TSPAN9: variants seen among roughly 807,000 people sequenced by gnomAD.
TSPAN9 encodes the protein tetraspanin-9.
A neutral mutation model predicts 31.0 loss-of-function variants in TSPAN9; 16 were observed. The ratio of observed to expected loss-of-function variants is 0.52; its 90% CI spans 0.35 to 0.78. The LOEUF (loss-of-function observed/expected upper bound fraction) is 0.78, where lower values mean the gene tolerates loss of function less well. TSPAN9 is among the 30% of genes least tolerant of loss of function. TSPAN9 has a pLI of 0.01. For synonymous variants in TSPAN9, 145 were observed against 121.6 expected, an observed-to-expected ratio of 1.19 and a Z score of -1.27; for missense variants, 272 against 312.5, an observed-to-expected ratio of 0.87 and a Z score of 0.98.
chr12:3,177,048 G>A (rs1000874029), intron 2 of TSPAN9, among the ~76,000 whole-genome samples: 1 of 152,184 alleles, frequency 6.6e-6, no homozygotes, highest in Admixed American at 6.5e-5. Flanking sequence ...GAGGTGGTGG[G>A]ACCCCCAGGA....
At chr12:3,233,493 C>G (rs768559450) in intron 3 of TSPAN9, among the ~76,000 whole-genome samples, 7 of 152,156 alleles carry the variant, frequency 4.6e-5, no homozygotes, top group Non-Finnish European at 8.8e-5. Context: ...ACGATGCATT[C>G]TATAGTTGCA....
intron 2 of TSPAN9, among the ~76,000 whole-genome samples, chr12:3,118,481 G>A (rs1212912387): frequency 1.3e-5 from 2 of 151,702 alleles, no homozygotes; most frequent in Admixed American, 6.6e-5. Flanking sequence ...AGCTGGTCTC[G>A]AACCCCTGAC....
At chr12:3,093,134 A>G (rs1435772208) in intron 2 of TSPAN9, among the ~76,000 whole-genome samples, 2 of 152,240 alleles carry the variant, frequency 1.3e-5, no homozygotes, top group Admixed American at 6.5e-5. Context: ...GGATGCTGAC[A>G]CGAATTGTGG....
intron 3 of TSPAN9, among the ~76,000 whole-genome samples, chr12:3,208,276 T>C (rs558992377): frequency 6.6e-5 from 10 of 152,218 alleles, no homozygotes; most frequent in African/African-American, 2.4e-4. Flanking sequence ...TCTGAATGTC[T>C]TCGGGCCTTC....
At chr12:3,246,990 G>A (rs1201574443) in intron 3 of TSPAN9, among the ~76,000 whole-genome samples, 1 of 152,190 alleles carries the variant, frequency 6.6e-6, no homozygotes, top group Non-Finnish European at 1.5e-5. Flanking sequence ...GGGAGGATGG[G>A]TGGTCTGAAA....
intron 3 of TSPAN9, among the ~76,000 whole-genome samples, chr12:3,276,545 G>A (rs907612872): frequency 6.6e-6 from 1 of 152,176 alleles, no homozygotes; most frequent in African/African-American, 2.4e-5. Context: ...AGATAGTTAT[G>A]TTGCTCCCTC....
intron 3 of TSPAN9, among the ~76,000 whole-genome samples, chr12:3,248,856 G>T (rs1446222897): frequency 2.6e-5 from 4 of 152,092 alleles, no homozygotes; most frequent in Admixed American, 6.5e-5. Flanking sequence ...TGCTTCAAAA[G>T]TCCTCCTTGG....
intron 2 of TSPAN9, among the ~76,000 whole-genome samples, chr12:3,105,340 T>C (rs61040517): frequency 0.038 from 5,834 of 151,840 alleles, 385 homozygotes; most frequent in African/African-American, 0.13. Flanking sequence ...CCTTTCCTTC[T>C]AAGTAGTTCA....
intron 2 of TSPAN9, among the ~76,000 whole-genome samples, chr12:3,128,088 G>A (rs2098328154): frequency 6.6e-6 from 1 of 152,238 alleles, no homozygotes. Flanking sequence ...ACTGTCGTAT[G>A]TGTGGTCCGT....
intron 3 of TSPAN9, among the ~76,000 whole-genome samples, chr12:3,257,785 G>A (rs945653083): frequency 1.3e-5 from 2 of 151,894 alleles, no homozygotes; most frequent in Non-Finnish European, 2.9e-5. Flanking sequence ...GTAGGGGGGC[G>A]GCGGGGAGGC....
chr12:3,118,256 G>GTTTTTTTTTTT lies in TSPAN9; in HGVS notation c.-18+34551_-18+34561dup, dbSNP rs72307230. 2.4e-3 allele frequency among the ~76,000 whole-genome samples: 76 copies of GTTTTTTTTTTT among 31,564 alleles called. 15 individuals carry two copies. The highest frequency in any genetic ancestry group is 7.4e-3 in the East Asian group (5 of 680). The allele number at this position is 31,564 out of a possible 152,430, so 20.7% of individuals were successfully genotyped here. On this transcript the variant is annotated intron_variant, in intron 2 of 8. Coordinates refer to ENST00000011898, the MANE Select transcript of TSPAN9 (RefSeq NM_006675.5). ...ATTCCGCACCGCCCCTGCACCCGCC[G>GTTTTTTTTTTT]TTTTTTTTTTTTTTTTTTTTTTTTG...
rs868257713 is a variant in TSPAN9 at position 3,278,568 on chromosome 12, G to A, written c.211G>A (p.Gly71Ser). The change falls in exon 4 of 9, where the codon GGC becomes AGC. Residue 71 changes from glycine to serine, a missense_variant. Transcript: ENST00000011898. ...CATTGTCATGGTGACGGGCTTCCTC[G>A]GCTGCCTGGGGGCCATCAAGGAAAA... is the stretch of plus-strand genomic sequence containing the variant. ...GTIVMVTGFL[G>S]CLGAIKENKC... 1.2e-5 allele frequency: 19 copies of A among 1,614,000 alleles called. No homozygotes were observed. The highest frequency in any genetic ancestry group is 3.3e-4 in the Middle Eastern group (2 of 6,084).
At chr12:3,250,577 T>G (rs868082803) in intron 3 of TSPAN9, among the ~76,000 whole-genome samples, 5 of 152,122 alleles carry the variant, frequency 3.3e-5, no homozygotes, top group African/African-American at 1.2e-4. Flanking sequence ...TGCCCACAGC[T>G]CCACACACAG....
intron 2 of TSPAN9, among the ~76,000 whole-genome samples, chr12:3,149,373 A>T (rs1345037797): frequency 6.6e-6 from 1 of 152,230 alleles, no homozygotes; most frequent in African/African-American, 2.4e-5. Context: ...CATTTTCTGC[A>T]GCCAGATACA....
At chr12:3,141,049 G>T (rs1338794723) in intron 2 of TSPAN9, among the ~76,000 whole-genome samples, 2 of 151,876 alleles carry the variant, frequency 1.3e-5, no homozygotes, top group East Asian at 3.9e-4. Context: ...CATGCATGGG[G>T]CCAGAGGGGA....
chr12:3,174,555 C>T (rs2098353911), intron 2 of TSPAN9, among the ~76,000 whole-genome samples: 1 of 152,208 alleles, frequency 6.6e-6, no homozygotes, highest in African/African-American at 2.4e-5. Flanking sequence ...ACCTGGCCTT[C>T]AGCTGTGGCT....
At chr12:3,113,136 T>C (rs1483352725) in intron 2 of TSPAN9, among the ~76,000 whole-genome samples, 1 of 152,204 alleles carries the variant, frequency 6.6e-6, no homozygotes, top group Non-Finnish European at 1.5e-5. Context: ...GTTACCGCCC[T>C]CATAAGCTTA....
At chr12:3,148,358 A>T (rs2098338257) in intron 2 of TSPAN9, among the ~76,000 whole-genome samples, 1 of 152,246 alleles carries the variant, frequency 6.6e-6, no homozygotes, top group South Asian at 2.1e-4. Flanking sequence ...GTCCCAAGTC[A>T]GTCCAGAGTC....
At chr12:3,221,352 ATTTTTCTCTT>A (rs769569420) in intron 3 of TSPAN9, among the ~76,000 whole-genome samples, 3 of 131,646 alleles carry the variant, frequency 2.3e-5, no homozygotes, top group Non-Finnish European at 3.2e-5. Context: ...TATTTAAAAT[ATTTTTCTCTT>A]TTTTTTTTTT....
Sources: allele counts gnomAD v4.1 joint callset (sites outside exome capture counted in the v4.1 genomes callset), GRCh38; gene constraint gnomAD v4.1.1; transcripts MANE v1.5; gene names NCBI Gene and HGNC (gene_info 2026-07-23, HGNC 2026-07-21).